The following CLEC2A variants were observed in gnomAD, a reference collection of about 807,000 sequenced individuals.
The protein encoded by CLEC2A is keratinocyte-associated C-type lectin.
Under a neutral mutation model 18.6 loss-of-function variants are expected in CLEC2A, and 19 were observed. The observed-to-expected ratio is 1.02, with a 90% CI of 0.71 to 1.50. The LOEUF is 1.50. Among genes scored for constraint, CLEC2A ranks in the 40% most tolerant of loss-of-function variants. The pLI is 0.00. For synonymous variants in CLEC2A, 74 were observed against 64.0 expected, an observed-to-expected ratio of 1.16 and a Z score of -0.75; for missense variants, 190 against 207.9, an observed-to-expected ratio of 0.91 and a Z score of 0.53.
At chr12:9,924,900 A>T (rs1863242868) in intron 2 of CLEC2A, among the ~76,000 whole-genome samples, 1 of 152,214 alleles carries the variant, frequency 6.6e-6, no homozygotes, top group South Asian at 2.1e-4. Context: ...TACCTTTGTG[A>T]AAGATATCTT....
chr12:9,885,082 G>T, the CLEC2A span: 19 of 628,490 alleles, frequency 3.0e-5, no homozygotes, highest in East Asian at 6.3e-4. Flanking sequence ...GATAAATGTT[G>T]ATCCTTCATT....
chr12:9,887,013 G>GA, the CLEC2A span, among the ~76,000 whole-genome samples: 36 of 149,546 alleles, frequency 2.4e-4, no homozygotes, highest in South Asian at 2.7e-3. Flanking sequence ...CAAAATGTCA[G>GA]AAAAAAAACA....
At chr12:9,895,317 G>C (rs1386955207), downstream of CLEC2A, among the ~76,000 whole-genome samples, 1 of 152,178 alleles carries the variant, frequency 6.6e-6, no homozygotes, top group African/African-American at 2.4e-5. Flanking sequence ...AGGTCAGTTC[G>C]AAGGCTATGG....
intron 2 of CLEC2A, among the ~76,000 whole-genome samples, chr12:9,924,602 G>A (rs1354902330): frequency 6.6e-6 from 1 of 152,068 alleles, no homozygotes; most frequent in Non-Finnish European, 1.5e-5. Context: ...TCTACCTTTG[G>A]ATCTTTTTCA....
downstream of CLEC2A, among the ~76,000 whole-genome samples, chr12:9,896,997 T>C (rs1424220430): frequency 6.6e-6 from 1 of 151,872 alleles, no homozygotes; most frequent in Non-Finnish European, 1.5e-5. Flanking sequence ...GTAGCTGGGA[T>C]TACAGGCATG....
chr12:9,928,033 A>T (rs1270085280), intron 1 of CLEC2A, among the ~76,000 whole-genome samples: 2 of 152,240 alleles, frequency 1.3e-5, no homozygotes, highest in East Asian at 1.9e-4. Context: ...CGTATTATTG[A>T]CCTGAACATA....
At chr12:9,889,595 C>T in the CLEC2A span, among the ~76,000 whole-genome samples, 1 of 151,854 alleles carries the variant, frequency 6.6e-6, no homozygotes, top group Non-Finnish European at 1.5e-5. Context: ...TTGCCTGCCC[C>T]CACAATTATA....
chr12:9,927,733 TC>T (rs1863299682), intron 1 of CLEC2A, among the ~76,000 whole-genome samples: 1 of 152,270 alleles, frequency 6.6e-6, no homozygotes, highest in Admixed American at 6.5e-5. Context: ...GAAGCCAGAT[TC>T]TGAGATGTTT....
intron 3 of CLEC2A, among the ~76,000 whole-genome samples, chr12:9,917,113 A>T (rs1863084712): frequency 6.6e-6 from 1 of 152,226 alleles, no homozygotes; most frequent in African/African-American, 2.4e-5. Flanking sequence ...ACTAACTTCT[A>T]TATAAATATA....
Position 9,932,275 on chromosome 12 carries a change from C to G in CLEC2A, c.55G>C (p.Val19Leu), listed in dbSNP as rs1436707738. The change falls in exon 1 of 5, where the codon GTT (valine) becomes CTT (leucine). Residue 19 changes from valine to leucine, a missense_variant and splice_region_variant. Coordinates refer to ENST00000455827, the MANE Select transcript of CLEC2A (RefSeq NM_001130711.2). ...GRADGFIHRIVPKLIQNWKIG... is the reference protein window; with the variant it reads ...GRADGFIHRILPKLIQNWKIG... ...TTCTCATTCACTCTATAAAACTTAC[C>G]TATCCGATGTATGAAGCCATCAGCT... The G allele has an allele frequency of 6.5e-7, 1 of 1,548,730 alleles. No individual in the cohort carries two copies. The highest frequency in any genetic ancestry group is 8.7e-7 in the Non-Finnish European group (1 of 1,144,266).
rs924090120 is a variant in CLEC2A at position 9,913,790 on chromosome 12, GA to G, written c.411-111del. 24 of 649,544 alleles carry G rather than the reference GA, an allele frequency of 3.7e-5. No individual in the cohort carries two copies. The African/African-American group carries it at 4.1e-4, about 11-fold the overall frequency. 40.2% of individuals were successfully genotyped at this position (649,544 alleles called of 1,614,324 possible). A position where few individuals can be genotyped will look rare whatever the true frequency, so the allele number is the denominator to read the frequency against. On this transcript the variant is annotated intron_variant, in intron 4 of 4. Coordinates refer to ENST00000455827, the MANE Select transcript of CLEC2A (RefSeq NM_001130711.2). ...TATTATACCAAACACTGAGCTCCCA[GA>G]AAATATACCCACCCATCACCATATG...
the CLEC2A span, among the ~76,000 whole-genome samples, chr12:9,883,446 TA>T: frequency 1.3e-5 from 2 of 152,222 alleles, no homozygotes; most frequent in Non-Finnish European, 2.9e-5. Flanking sequence ...TGGCTTGATA[TA>T]GTATGTAAAT....
At chr12:9,897,193 G>A (rs1220080733), downstream of CLEC2A, among the ~76,000 whole-genome samples, 1 of 152,060 alleles carries the variant, frequency 6.6e-6, no homozygotes, top group Non-Finnish European at 1.5e-5. Flanking sequence ...TTACTAAATT[G>A]TTAATAGTAG....
At chr12:9,885,033 G>A in the CLEC2A span, 29 of 1,189,542 alleles carry the variant, frequency 2.4e-5, 1 homozygote, top group Middle Eastern at 2.0e-4. Flanking sequence ...AAGTTCTGGC[G>A]TGAGTAGTAA....
chr12:9,919,522 A>C (rs551696305), intron 3 of CLEC2A, among the ~76,000 whole-genome samples: 4 of 152,328 alleles, frequency 2.6e-5, no homozygotes, highest in African/African-American at 9.6e-5. Context: ...GTGCAGAGGC[A>C]GTGGCAGAGA....
At position 9,916,815 on chromosome 12, in the gene CLEC2A, C is replaced by G. The variant is rs1863080306; in HGVS notation, c.307-12G>C. 6.7e-7 allele frequency: 1 copy of G among 1,481,710 alleles called. No individual in the cohort carries two copies. The highest frequency in any genetic ancestry group is 9.2e-7 in the Non-Finnish European group (1 of 1,083,236). 91.8% of individuals were successfully genotyped at this position (1,481,710 alleles called of 1,614,324 possible). A position where few individuals can be genotyped will look rare whatever the true frequency, so the allele number is the denominator to read the frequency against. On this transcript the variant is annotated splice_polypyrimidine_tract_variant and intron_variant, in intron 3 of 4. Transcript: ENST00000455827. ...CTCTTCAAAAATTCCTTTCACAAAACAAAGGGAATCAGCGATTACTTAATA... is the reference window on the plus strand; with the variant it reads ...CTCTTCAAAAATTCCTTTCACAAAAGAAAGGGAATCAGCGATTACTTAATA...
the CLEC2A span, chr12:9,888,854 C>A: frequency 1.5e-5 from 13 of 870,306 alleles, no homozygotes; most frequent in Admixed American, 6.2e-5. Context: ...TCCTGGCGTT[C>A]ACCCATGTTA....
intron 1 of CLEC2A, among the ~76,000 whole-genome samples, chr12:9,930,824 A>G (rs989831631): frequency 4.0e-5 from 6 of 150,570 alleles, no homozygotes; most frequent in African/African-American, 1.5e-4. Context: ...TTTATTTTAT[A>G]TTTTCTAACT....
intron 4 of CLEC2A, 69 bp from the exon 5 acceptor site, chr12:9,913,749 A>G (rs1863024594): frequency 2.0e-6 from 2 of 1,009,812 alleles, no homozygotes; most frequent in Non-Finnish European, 2.9e-6. Flanking sequence ...AATTAATAAT[A>G]GAGTGATTTT....
Sources: allele counts gnomAD v4.1 joint callset (sites outside exome capture counted in the v4.1 genomes callset), GRCh38; gene constraint gnomAD v4.1.1; transcripts MANE v1.5; gene names NCBI Gene and HGNC (gene_info 2026-07-23, HGNC 2026-07-21).